Variants in RFTN2 observed in about 807,000 individuals in gnomAD.
The protein encoded by RFTN2 is raftlin-2.
Under a neutral mutation model 52.7 loss-of-function variants are expected in RFTN2, and 34 were observed. That is an observed-to-expected ratio of 0.64 (90% CI 0.49 to 0.86). The LOEUF (loss-of-function observed/expected upper bound fraction) is 0.86. Ranked by LOEUF, RFTN2 falls within the 40% of genes least tolerant of loss-of-function variation. The pLI, the probability that RFTN2 is intolerant of heterozygous loss-of-function variation, is 0.00. For missense variants in RFTN2, 536 were observed against 600.1 expected (o/e 0.89, Z 1.12); for synonymous variants, 203 against 217.7 (o/e 0.93, Z 0.59).
chr2:197,623,208 C>T (rs973361469), intron 5 of RFTN2, among the ~76,000 whole-genome samples: 1 of 152,164 alleles, frequency 6.6e-6, no homozygotes, highest in East Asian at 1.9e-4. Context: ...ATTCTAGATG[C>T]CATTAAGAAC....
At chr2:197,619,644 C>T (rs1420574935) in intron 5 of RFTN2, among the ~76,000 whole-genome samples, 2 of 149,514 alleles carry the variant, frequency 1.3e-5, no homozygotes, top group African/African-American at 4.9e-5. Context: ...AAACCAGAGA[C>T]CTTTGTTCAC....
intron 8 of RFTN2, among the ~76,000 whole-genome samples, chr2:197,576,100 C>G (rs1193729831): frequency 1.3e-5 from 2 of 151,642 alleles, no homozygotes; most frequent in Non-Finnish European, 2.9e-5. Context: ...CTTCTGCCTC[C>G]CAGGTTCCAG....
chr2:197,625,018 A>G (rs1328946397), intron 5 of RFTN2, among the ~76,000 whole-genome samples: 1 of 152,192 alleles, frequency 6.6e-6, no homozygotes, highest in Non-Finnish European at 1.5e-5. Flanking sequence ...CACCCTGATC[A>G]GTCAGCCACC....
At chr2:197,574,262 A>G (rs2087375499) in intron 8 of RFTN2, among the ~76,000 whole-genome samples, 1 of 152,238 alleles carries the variant, frequency 6.6e-6, no homozygotes, top group Non-Finnish European at 1.5e-5. Flanking sequence ...ACAGGGGCAA[A>G]GCTACCCAAG....
rs776690224 is a variant in RFTN2, at chr2:197,646,469, A to G, written c.323+14T>C. 6.2e-7 allele frequency: 1 copy of G among 1,602,558 alleles called. No homozygotes were observed. Among genetic ancestry groups the G allele is most frequent in the Non-Finnish European group, 8.5e-7 (1 of 1,174,324 alleles). On this transcript the variant is annotated intron_variant, in intron 2 of 8. Coordinates refer to ENST00000295049, the MANE Select transcript of RFTN2 (RefSeq NM_144629.3). Reference sequence around the variant, plus strand: ...GTCACCCTCACCTGCCTCTTTCTTGAATAGTGTGCTTACCTTAATTTCAAG... The same window carrying G: ...GTCACCCTCACCTGCCTCTTTCTTGGATAGTGTGCTTACCTTAATTTCAAG...
In RFTN2 at chr2:197,573,393, C is replaced by T. The variant is rs182519487; in HGVS notation, c.1234-1113G>A. 4.5e-4 allele frequency among the ~76,000 whole-genome samples: 69 copies of T among 152,310 alleles called. 1 individual carries two copies. The highest frequency in any genetic ancestry group is 4.2e-3 in the Admixed American group (64 of 15,288). ...GCAAAGAGACTGGTGGCATTTTGCC[C>T]TTGCCCTCAAGATATGTGGAACTTT... On this transcript the variant is annotated intron_variant, in intron 8 of 8. Transcript: ENST00000295049.
intron 5 of RFTN2, among the ~76,000 whole-genome samples, chr2:197,619,541 G>A (rs1032337371): frequency 1.1e-4 from 17 of 148,574 alleles, no homozygotes; most frequent in African/African-American, 4.2e-4. Flanking sequence ...ATGCTTGAAG[G>A]CAGCATGCTC....
Position 197,598,558 on chromosome 2 carries a change from C to T in RFTN2, c.1155-2489G>A, listed in dbSNP as rs1294986234. Among the ~76,000 whole-genome samples the T allele has an allele frequency of 2.0e-5, 3 of 152,150 alleles. No individual in the cohort carries two copies. The East Asian group carries it at 5.8e-4, about 29-fold the overall frequency. On this transcript the variant is annotated intron_variant, in intron 7 of 8. Transcript: ENST00000295049. Reference sequence around the variant, plus strand: ...ATTGTTGGAGACCTTACAGGGAGTTCTTTCACACTAACTGTGGATGGGGCA... The same window carrying T: ...ATTGTTGGAGACCTTACAGGGAGTTTTTTCACACTAACTGTGGATGGGGCA...
chr2:197,673,132 C>T lies in RFTN2; in HGVS notation c.139+2188G>A, dbSNP rs183282019. On this transcript the variant is annotated intron_variant, in intron 1 of 8. Coordinates refer to ENST00000295049, the MANE Select transcript of RFTN2 (RefSeq NM_144629.3). The stretch of plus-strand genomic sequence containing the variant: ...GTAAGAGACAGGCTCATCATGAGCA[C>T]ACACAGCTGTCACCAGGCCATTTTA... 2.5e-3 allele frequency among the ~76,000 whole-genome samples: 385 copies of T among 152,212 alleles called. 17 individuals are homozygous for T. Among genetic ancestry groups the T allele is most frequent in the Admixed American group, 0.025 (379 of 15,288 alleles).
chr2:197,594,109 G>A (rs2087759435), intron 8 of RFTN2, among the ~76,000 whole-genome samples: 1 of 148,656 alleles, frequency 6.7e-6, no homozygotes, highest in Admixed American at 6.8e-5. Context: ...TCTACCTCCT[G>A]GGTTCAAGCG....
At chr2:197,608,681 G>A (rs1208546330) in intron 7 of RFTN2, among the ~76,000 whole-genome samples, 3 of 143,070 alleles carry the variant, frequency 2.1e-5, no homozygotes, top group Non-Finnish European at 4.5e-5. Flanking sequence ...TGTGCACAAC[G>A]TGCAGGTTTG....
rs185541746 is a variant in RFTN2 at position 197,571,653 on chromosome 2, A to G, written c.*355T>C. On this transcript the variant is annotated 3_prime_UTR_variant, in exon 9 of 9. Transcript: ENST00000295049. The stretch of plus-strand genomic sequence containing the variant: ...CTGTAACTTCCTGAGAACTCTCTCT[A>G]ATTGGGTAAAATACTGATTGAGATA... 114 of 213,506 alleles carry G rather than the reference A, an allele frequency of 5.3e-4. No individual in the cohort carries two copies. The Middle Eastern group carries it at 7.9e-3, about 15-fold the overall frequency. 13.2% of individuals were successfully genotyped at this position (213,506 alleles called of 1,614,324 possible).
rs1326148527 is a variant in RFTN2, at chr2:197,630,299, T to A, written c.928+712A>T. On this transcript the variant is annotated intron_variant, in intron 5 of 8. Transcript: ENST00000295049. ...CCTCTAACCTCATAGATTTAAGAGT[T>A]CCTAATTATCCTGGATTTCCTAAAC... Among the ~76,000 whole-genome samples the A allele has an allele frequency of 2.6e-5, 4 of 152,284 alleles. No individual in the cohort carries two copies. The East Asian group carries it at 7.7e-4, about 29-fold the overall frequency.
intron 8 of RFTN2, among the ~76,000 whole-genome samples, chr2:197,582,723 A>G (rs538085738): frequency 6.6e-6 from 1 of 152,248 alleles, no homozygotes; most frequent in African/African-American, 2.4e-5. Context: ...TCACTACACA[A>G]TGGTCCTCCA....
intron 3 of RFTN2, among the ~76,000 whole-genome samples, chr2:197,634,879 C>G (rs1002418489): frequency 1.4e-5 from 2 of 145,140 alleles, no homozygotes; most frequent in African/African-American, 2.5e-5. Flanking sequence ...AATGCTATAG[C>G]TCCCCCCTCC....
chr2:197,648,040 G>A (rs2088777501), intron 1 of RFTN2, among the ~76,000 whole-genome samples: 1 of 152,198 alleles, frequency 6.6e-6, no homozygotes, highest in Admixed American at 6.5e-5. Context: ...CAAGACATAT[G>A]AAATTAATTC....
intron 1 of RFTN2, 52 bp downstream of exon 1, chr2:197,675,268 T>G: frequency 7.1e-7 from 1 of 1,415,706 alleles, no homozygotes; most frequent in East Asian, 2.5e-5. Context: ...TAAAAATGAC[T>G]AGTAGTCTCA....
At chr2:197,581,184 A>C (rs988846687) in intron 8 of RFTN2, among the ~76,000 whole-genome samples, 1 of 151,626 alleles carries the variant, frequency 6.6e-6, no homozygotes, top group African/African-American at 2.4e-5. Flanking sequence ...AAACCTATAA[A>C]CTCTCCTTAC....
intron 8 of RFTN2, among the ~76,000 whole-genome samples, chr2:197,591,959 C>T (rs1050026288): frequency 7.2e-5 from 11 of 152,226 alleles, no homozygotes; most frequent in African/African-American, 2.6e-4. Context: ...TCCCTGCAAG[C>T]CGAGGGAGCC....
Sources: gnomAD v4.1 joint callset for allele counts (sites outside exome capture counted in the v4.1 genomes callset) on GRCh38, gnomAD v4.1.1 for gene constraint, MANE v1.5 for transcripts, NCBI Gene and HGNC (gene_info 2026-07-23, HGNC 2026-07-21) for gene names.